Variants in ALOX5 observed in about 807,000 individuals in gnomAD.
ALOX5 encodes polyunsaturated fatty acid 5-lipoxygenase.
In ALOX5, 64 loss-of-function variants were observed where a neutral mutation model predicts 87.9. That is an observed-to-expected ratio of 0.73 (90% CI 0.60 to 0.90). The LOEUF is 0.90. Among genes scored for constraint, ALOX5 ranks in the 40% least tolerant of loss-of-function variants. ALOX5 has a pLI of 0.00. For missense variants in ALOX5, 822 were observed against 907.5 expected (o/e 0.91, Z 1.21); for synonymous variants, 388 against 355.1 (o/e 1.09, Z -1.04).
chr10:45,390,336 C>T (rs1198410242), intron 2 of ALOX5, among the ~76,000 whole-genome samples: 4 of 152,194 alleles, frequency 2.6e-5, no homozygotes, highest in African/African-American at 7.2e-5. Context: ...CTCCAGCAAG[C>T]GGAGCTAATA....
chr10:45,405,665 C>A (rs1295197910), intron 3 of ALOX5, among the ~76,000 whole-genome samples: 1 of 151,978 alleles, frequency 6.6e-6, no homozygotes, highest in Non-Finnish European at 1.5e-5. Context: ...CAGTGTTACA[C>A]AAATACTTCC....
intron 1 of ALOX5, among the ~76,000 whole-genome samples, chr10:45,382,280 C>A (rs1839856937): frequency 6.6e-6 from 1 of 152,230 alleles, no homozygotes; most frequent in South Asian, 2.1e-4. Flanking sequence ...GTGAGGACAT[C>A]TTTCATAGGG....
chr10:45,433,346 G>A lies in ALOX5; in HGVS notation c.981+4582G>A, dbSNP rs75467770. ...GTACCAGGTGCATGTTGCAGTGGGC[G>A]GTCAGAGGGTCCTGGGGTTGAGGCT... On this transcript the variant is annotated intron_variant, in intron 7 of 13. Coordinates refer to ENST00000374391, the MANE Select transcript of ALOX5 (RefSeq NM_000698.5). Among the ~76,000 whole-genome samples, 581 of 152,356 alleles carry A rather than the reference G, an allele frequency of 3.8e-3. 11 individuals are homozygous for A. The East Asian group carries it at 0.053, about 14-fold the overall frequency.
At chr10:45,431,084 T>C (rs950287112) in intron 7 of ALOX5, among the ~76,000 whole-genome samples, 50 of 152,336 alleles carry the variant, frequency 3.3e-4, no homozygotes, top group Non-Finnish European at 5.9e-4. Context: ...ACCACCATAA[T>C]TTATTATACC....
Position 45,425,224 on chromosome 10 carries a change from C to T in ALOX5, c.834+92C>T, listed in dbSNP as rs540781678. On this transcript the variant is annotated intron_variant, in intron 6 of 13. Coordinates refer to ENST00000374391, the MANE Select transcript of ALOX5 (RefSeq NM_000698.5). This position sits in a 1 kb window ranked among gnomAD's most constrained non-coding sequence, Gnocchi z 4.4. ...GGCCAGTGCTCATAGGCCACCAAGA[C>T]GCTAACTGCAGGCCCATCTGGCCTA... 6.3e-6 allele frequency: 9 copies of T among 1,438,822 alleles called. No homozygotes were observed. The highest frequency in any genetic ancestry group is 2.8e-5 in the African/African-American group (2 of 70,612). 89.1% of individuals were successfully genotyped at this position (1,438,822 alleles called of 1,614,324 possible).
intron 7 of ALOX5, among the ~76,000 whole-genome samples, chr10:45,435,768 A>G (rs1589043904): frequency 6.6e-6 from 1 of 152,186 alleles, no homozygotes; most frequent in Admixed American, 6.5e-5. Flanking sequence ...TTTTGGTAAA[A>G]CAATTTCTTT....
At chr10:45,413,436 T>A (rs555122658) in intron 4 of ALOX5, among the ~76,000 whole-genome samples, 1 of 152,192 alleles carries the variant, frequency 6.6e-6, no homozygotes, top group Non-Finnish European at 1.5e-5. Flanking sequence ...ATTGATGGGA[T>A]GTATCTCAAA....
intron 3 of ALOX5, among the ~76,000 whole-genome samples, chr10:45,399,297 A>C (rs1358128142): frequency 6.6e-6 from 1 of 152,230 alleles, no homozygotes; most frequent in Non-Finnish European, 1.5e-5. Context: ...GCAGGGAATG[A>C]GGAAGTGGTC....
chr10:45,385,074 T>C (rs1839966078), intron 2 of ALOX5, among the ~76,000 whole-genome samples: 1 of 152,160 alleles, frequency 6.6e-6, no homozygotes. Context: ...CTGGAACTCC[T>C]GACCTCAGGT....
At chr10:45,412,032 A>T (rs1183971946) in intron 3 of ALOX5, among the ~76,000 whole-genome samples, 159 bp from the exon 4 acceptor site, 1 of 152,150 alleles carries the variant, frequency 6.6e-6, no homozygotes, top group African/African-American at 2.4e-5. Flanking sequence ...AGGTCCCAGA[A>T]CCTTACTGGA....
At chr10:45,416,789 T>C (rs11239523) in intron 4 of ALOX5, among the ~76,000 whole-genome samples, 20,627 of 151,728 alleles carry the variant, frequency 0.14, 1,593 homozygotes, top group Non-Finnish European at 0.16. Flanking sequence ...GAGAAATTGA[T>C]ATACGGATGG....
chr10:45,389,562 T>C (rs1318747693), intron 2 of ALOX5, among the ~76,000 whole-genome samples: 1 of 152,190 alleles, frequency 6.6e-6, no homozygotes, highest in Non-Finnish European at 1.5e-5. Context: ...GAAAAGAATT[T>C]TCAACCCAGA....
chr10:45,422,884 G>A (rs951052815), intron 4 of ALOX5, among the ~76,000 whole-genome samples: 4 of 152,212 alleles, frequency 2.6e-5, no homozygotes, highest in Non-Finnish European at 5.9e-5. Flanking sequence ...GCTGGTGAGG[G>A]CCCTCTTCCC....
intron 4 of ALOX5, among the ~76,000 whole-genome samples, chr10:45,422,618 A>G (rs1159172583): frequency 6.6e-6 from 1 of 152,186 alleles, no homozygotes; most frequent in Non-Finnish European, 1.5e-5. Flanking sequence ...CTCAGCATGC[A>G]TAGGGCAGCA....
chr10:45,383,942 T>C (rs1449599203), intron 2 of ALOX5, among the ~76,000 whole-genome samples: 1 of 152,132 alleles, frequency 6.6e-6, no homozygotes, highest in African/African-American at 2.4e-5. Context: ...CTCCTGCACA[T>C]CTACCCAAGG....
chr10:45,442,952 G>A lies in ALOX5; in HGVS notation c.1273-86G>A, dbSNP rs1003841751. The A allele has an allele frequency of 1.3e-5, 19 of 1,433,378 alleles. No homozygotes were observed. The African/African-American group carries it at 2.1e-4, about 16-fold the overall frequency. 88.8% of individuals were successfully genotyped at this position (1,433,378 alleles called of 1,614,324 possible). ...GCACCTCTGCCTGCCTGGCCTCCTC[G>A]CCTCCCCTGGCACATTTCCTCAGGG... On this transcript the variant is annotated intron_variant, in intron 9 of 13. Transcript: ENST00000374391.
In ALOX5 at chr10:45,445,754, A is replaced by G; in HGVS notation, c.*67A>G. On this transcript the variant is annotated 3_prime_UTR_variant, in exon 14 of 14. Transcript: ENST00000374391. ...CCAGATGGACTCCAGCCTGCCTGGCAGGCTGTCTGGCCAGGCCTCTTGGCA... is the reference window on the plus strand; with the variant it reads ...CCAGATGGACTCCAGCCTGCCTGGCGGGCTGTCTGGCCAGGCCTCTTGGCA... 6.5e-7 allele frequency: 1 copy of G among 1,546,418 alleles called. No individual in the cohort carries two copies. Among genetic ancestry groups the G allele is most frequent in the African/African-American group, 1.4e-5 (1 of 73,260 alleles).
At chr10:45,374,547 G>C in intron 1 of ALOX5, 118 bp downstream of exon 1, 1 of 1,035,396 alleles carries the variant, frequency 9.7e-7, no homozygotes, top group Non-Finnish European at 1.3e-6. Flanking sequence ...GGACAGGACT[G>C]GGGGTGTCCA....
At chr10:45,433,216 C>T (rs1045353094) in intron 7 of ALOX5, among the ~76,000 whole-genome samples, 1 of 152,196 alleles carries the variant, frequency 6.6e-6, no homozygotes, top group African/African-American at 2.4e-5. Flanking sequence ...GCAGTGTTCA[C>T]GGGATAACTG....
Sources: allele counts gnomAD v4.1 joint callset (sites outside exome capture counted in the v4.1 genomes callset), GRCh38; gene constraint gnomAD v4.1.1; non-coding constraint Gnocchi (gnomAD v3.1); transcripts MANE v1.5; gene names NCBI Gene and HGNC (gene_info 2026-07-23, HGNC 2026-07-21).